KIF1B: variants seen among roughly 807,000 people sequenced by gnomAD.
The protein encoded by KIF1B is kinesin family member 1B, also known as kinesin-like protein KIF1B.
In KIF1B, 76 loss-of-function variants were observed where a neutral mutation model predicts 241.9. The observed-to-expected ratio is 0.31, with a 90% CI of 0.26 to 0.38. The LOEUF (loss-of-function observed/expected upper bound fraction) is 0.38, where lower values mean the gene tolerates loss of function less well. Among genes scored for constraint, KIF1B ranks in the 10% least tolerant of loss-of-function variants. The pLI is 1.00. For synonymous variants in KIF1B, 750 were observed against 796.7 expected (o/e 0.94, Z 0.99); for missense variants, 1,622 against 2,271.4 (o/e 0.71, Z 5.81).
At chr1:10,349,706 G>C (rs1652720667) in intron 37 of KIF1B, among the ~76,000 whole-genome samples, 2 of 151,802 alleles carry the variant, frequency 1.3e-5, no homozygotes, top group South Asian at 4.2e-4. Flanking sequence ...GAAACCCCAT[G>C]GCCAGAGTGG....
Position 10,375,294 on chromosome 1 carries a change from G to T in KIF1B, c.5329G>T (p.Val1777Phe), listed in dbSNP as rs781002245. ...TFAVCTKHRG[V>F]LLQALNDKDM... ...TGCTGTCTGCACAAAGCACCGTGGG[G>T]TCCTTTTGCAGGCCCTCAATGACAA... The change falls in exon 48 of 49, where the codon GTC (valine) becomes TTC (phenylalanine). Residue 1777 changes from valine (V) to phenylalanine (F), a missense_variant. Physicochemically the swap from Val to Phe is conservative, Grantham distance 50 (BLOSUM62 -1). This residue lies in a region of KIF1B where 357 missense variants were observed against 409.0 expected (regional missense o/e 0.87). Transcript: ENST00000676179. 3 of 1,614,044 alleles carry T rather than the reference G, an allele frequency of 1.9e-6. No individual in the cohort carries two copies. In the Admixed American group the frequency reaches 5.0e-5, roughly 27 times the overall value.
chr1:10,352,545 G>A, intron 37 of KIF1B, 86 bp from the exon 38 acceptor site: 1 of 1,199,670 alleles, frequency 8.3e-7, no homozygotes, highest in Non-Finnish European at 1.2e-6. Context: ...CTTACACAGA[G>A]ATTTAAAAGT....
At chr1:10,329,462 C>T (rs1021992093) in intron 27 of KIF1B, among the ~76,000 whole-genome samples, 1 of 152,106 alleles carries the variant, frequency 6.6e-6, no homozygotes, top group Non-Finnish European at 1.5e-5. Context: ...TGGCTGGGTG[C>T]GGTGGCTCAC....
intron 38 of KIF1B, chr1:10,355,255 C>T (rs1652934901): frequency 6.6e-6 from 1 of 152,422 alleles, no homozygotes; most frequent in Non-Finnish European, 1.5e-5. Flanking sequence ...CACTTGAATT[C>T]ACTTTGCTTA....
At chr1:10,360,852 G>C (rs1638402339) in intron 38 of KIF1B, 77 bp from the exon 39 acceptor site, 1 of 936,292 alleles carries the variant, frequency 1.1e-6, no homozygotes, top group African/African-American at 1.6e-5. Context: ...TCTTTAGGAT[G>C]ATTGACAGTG....
chr1:10,306,503 T>C, intron 22 of KIF1B: 2 of 836,814 alleles, frequency 2.4e-6, no homozygotes, highest in Non-Finnish European at 3.0e-6. Context: ...CCCAGCTACT[T>C]AGGAGGCTGA....
chr1:10,276,199 G>A, intron 11 of KIF1B, 122 bp from the exon 12 acceptor site: 1 of 764,800 alleles, frequency 1.3e-6, no homozygotes, highest in Non-Finnish European at 2.2e-6. Flanking sequence ...AAAAATAAAA[G>A]AAAGAAATTT....
intron 37 of KIF1B, among the ~76,000 whole-genome samples, chr1:10,352,354 C>T (rs1652825920): frequency 6.6e-6 from 1 of 152,072 alleles, no homozygotes; most frequent in Non-Finnish European, 1.5e-5. Flanking sequence ...GGTTCCAGAC[C>T]AGAGAGGAGG....
chr1:10,211,738 G>A (rs1646696363), intron 1 of KIF1B: 3 of 151,666 alleles, frequency 2.0e-5, no homozygotes, highest in African/African-American at 7.3e-5. Flanking sequence ...GAGCTTCCAA[G>A]GTAAACTGCC....
In KIF1B at chr1:10,296,563, T is replaced by A; in HGVS notation, c.1778-19T>A. 2 of 1,591,154 alleles carry A rather than the reference T, an allele frequency of 1.3e-6. No homozygotes were observed. The highest frequency in any genetic ancestry group is 1.7e-6 in the Non-Finnish European group (2 of 1,159,288). The stretch of plus-strand genomic sequence containing the variant: ...AATAGTTTGTAATGATAACATTAGT[T>A]TGTGTTTGTTCCTCTTAGTTATCGT... On this transcript the variant is annotated intron_variant, in intron 19 of 48. Coordinates refer to ENST00000676179, the MANE Select transcript of KIF1B (RefSeq NM_001365951.3).
chr1:10,242,538 A>G (rs11584023), intron 2 of KIF1B, among the ~76,000 whole-genome samples: 48,538 of 151,906 alleles, frequency 0.32, 7,882 homozygotes, highest in Middle Eastern at 0.37. Flanking sequence ...TTTTTTTTAG[A>G]CGGAGTCTTG....
intron 22 of KIF1B, among the ~76,000 whole-genome samples, chr1:10,319,103 CTTTTTTTTT>C (rs1267312262): frequency 1.5e-5 from 2 of 131,958 alleles, no homozygotes. Flanking sequence ...TACAATAATC[CTTTTTTTTT>C]TTTTTTTTGA....
At chr1:10,346,180 T>TG (rs1467865939) in intron 35 of KIF1B, among the ~76,000 whole-genome samples, 1 of 152,114 alleles carries the variant, frequency 6.6e-6, no homozygotes, top group Non-Finnish European at 1.5e-5. Context: ...CCTCCCAAAG[T>TG]GCTGAGATTA....
chr1:10,227,025 A>G (rs1309996463), intron 1 of KIF1B, among the ~76,000 whole-genome samples: 8 of 139,690 alleles, frequency 5.7e-5, no homozygotes, highest in African/African-American at 2.2e-4. Context: ...AAATAACGCA[A>G]GTCTCTCTTT....
Position 10,271,541 on chromosome 1 carries a change from C to T in KIF1B, c.760C>T (p.Arg254Ter), listed in dbSNP as rs981033475. The change falls in exon 8 of 49, where the codon CGA becomes TGA. Residue 254 changes from arginine to a stop codon, truncating the protein, a stop_gained. Transcript: ENST00000676179. LOFTEE classifies it high-confidence loss of function. ...ISLVDLAGSE[R>*]ADSTGAKGTR... ...CTTGGTGGATCTAGCAGGAAGTGAA[C>T]GAGCTGATTCAACTGGTGCCAAAGG... 2.5e-6 allele frequency: 4 copies of T among 1,613,836 alleles called. No individual in the cohort carries two copies. The highest frequency in any genetic ancestry group is 2.2e-5 in the East Asian group (1 of 44,868).
chr1:10,236,224 A>G (rs1471639097), intron 2 of KIF1B, among the ~76,000 whole-genome samples: 1 of 152,036 alleles, frequency 6.6e-6, no homozygotes, highest in Non-Finnish European at 1.5e-5. Context: ...GTGAGCTGAG[A>G]TCATGCCACT....
chr1:10,255,765 A>C (rs1647738662), intron 2 of KIF1B, among the ~76,000 whole-genome samples: 1 of 152,154 alleles, frequency 6.6e-6, no homozygotes, highest in Non-Finnish European at 1.5e-5. Flanking sequence ...TGTTCCATGT[A>C]TAAATTACCT....
chr1:10,298,793 C>G (rs569359981), intron 22 of KIF1B, among the ~76,000 whole-genome samples: 2 of 152,166 alleles, frequency 1.3e-5, no homozygotes, highest in South Asian at 4.2e-4. Flanking sequence ...ATTTGACCCT[C>G]AAAACAACCC....
intron 5 of KIF1B, among the ~76,000 whole-genome samples, chr1:10,262,300 C>G (rs35837142): frequency 0.24 from 36,041 of 151,890 alleles, 4,963 homozygotes; most frequent in Admixed American, 0.31. Context: ...CAGGTGTGTG[C>G]CACCACCACC....
Sources: allele counts gnomAD v4.1 joint callset (sites outside exome capture counted in the v4.1 genomes callset), GRCh38; gene constraint gnomAD v4.1.1; regional missense constraint gnomAD v4.1.1; transcripts MANE v1.5; gene names NCBI Gene and HGNC (gene_info 2026-07-23, HGNC 2026-07-21).